Variants in GOLM1 observed in about 807,000 individuals in gnomAD.
GOLM1 encodes golgi membrane protein 1, also known as epididymis luminal protein 46.
In GOLM1, 31 loss-of-function variants were observed where a neutral mutation model predicts 50.5. That is an observed-to-expected ratio of 0.61 (90% confidence interval 0.46 to 0.83). GOLM1 has a LOEUF of 0.83. Ranked by LOEUF, GOLM1 falls within the 40% of genes least tolerant of loss-of-function variation. The pLI is 0.00. For synonymous variants in GOLM1, 178 were observed against 192.8 expected (o/e 0.92, Z 0.64); for missense variants, 491 against 501.3 (o/e 0.98, Z 0.20).
chr9:86,063,182 G>A (rs1050721204), intron 3 of GOLM1, among the ~76,000 whole-genome samples: 4 of 152,216 alleles, frequency 2.6e-5, no homozygotes, highest in Admixed American at 2.0e-4. Context: ...GTTTTTAGAG[G>A]AAGAAGAATG....
At chr9:86,057,580 C>T (rs1834029739) in intron 3 of GOLM1, among the ~76,000 whole-genome samples, 1 of 152,206 alleles carries the variant, frequency 6.6e-6, no homozygotes, top group Non-Finnish European at 1.5e-5. Context: ...CACATGCTGC[C>T]TTCGGTTCCT....
intron 1 of GOLM1, among the ~76,000 whole-genome samples, chr9:86,092,584 T>C (rs751155273): frequency 2.6e-5 from 4 of 152,182 alleles, no homozygotes; most frequent in Non-Finnish European, 5.9e-5. Flanking sequence ...TGAGCAGCTG[T>C]CTAGACAGCA....
chr9:86,027,600 T>C lies in GOLM1; in HGVS notation c.*217A>G. ...ACGAAATACCTACTACCAAAAATTG[T>C]GACACCTTATTAGACACTTCCAAAG... On this transcript the variant is annotated 3_prime_UTR_variant, in exon 10 of 10. Coordinates refer to ENST00000388712, the MANE Select transcript of GOLM1 (RefSeq NM_016548.4). 5 of 1,316,646 alleles carry C rather than the reference T, an allele frequency of 3.8e-6. No individual in the cohort carries two copies. The highest frequency in any genetic ancestry group is 4.8e-6 in the Non-Finnish European group (5 of 1,036,514). The allele number at this position is 1,316,646 out of a possible 1,614,324, so 81.6% of individuals were successfully genotyped here.
At chr9:86,053,191 CACT>C (rs1833830231) in intron 3 of GOLM1, among the ~76,000 whole-genome samples, 1 of 98,672 alleles carries the variant, frequency 1.0e-5, no homozygotes, top group African/African-American at 3.8e-5. Flanking sequence ...CCACACCCAC[CACT>C]CCACACCAAA....
chr9:86,053,556 T>TCCACACCAAACC (rs1833860094), intron 3 of GOLM1, among the ~76,000 whole-genome samples: 1 of 376 alleles, frequency 2.7e-3, no homozygotes, highest in African/African-American at 6.3e-3. Context: ...AAACACACAC[T>TCCACACCAAACC]ACACACACAC....
intron 9 of GOLM1, among the ~76,000 whole-genome samples, chr9:86,031,643 G>C (rs1201682964): frequency 6.6e-6 from 1 of 151,390 alleles, no homozygotes; most frequent in East Asian, 2.0e-4. Context: ...CTTGTATTTA[G>C]TAGAGACGGG....
intron 6 of GOLM1, among the ~76,000 whole-genome samples, chr9:86,039,306 G>A (rs115111140): frequency 1.6e-3 from 243 of 152,316 alleles, no homozygotes; most frequent in African/African-American, 5.4e-3. Context: ...AGTATCAAGA[G>A]TTGGCAAGGA....
At chr9:86,044,969 T>C (rs1265877994) in intron 5 of GOLM1, among the ~76,000 whole-genome samples, 1 of 151,640 alleles carries the variant, frequency 6.6e-6, no homozygotes, top group Admixed American at 6.6e-5. Context: ...AAAAAGAGGC[T>C]ATAGCTAATG....
intron 8 of GOLM1, chr9:86,035,149 T>C (rs1833094106): frequency 4.1e-6 from 4 of 985,314 alleles, no homozygotes; most frequent in South Asian, 4.7e-5. Flanking sequence ...CCTGCCAATA[T>C]TGCATCTAAA....
At chr9:86,042,670 A>C (rs1347999685) in intron 5 of GOLM1, among the ~76,000 whole-genome samples, 4 of 152,244 alleles carry the variant, frequency 2.6e-5, no homozygotes, top group Non-Finnish European at 4.4e-5. Flanking sequence ...AGCTGTCTGT[A>C]TACTGTAGAA....
intron 6 of GOLM1, among the ~76,000 whole-genome samples, chr9:86,038,909 T>C (rs1475003707): frequency 6.6e-6 from 1 of 151,900 alleles, no homozygotes; most frequent in Non-Finnish European, 1.5e-5. Flanking sequence ...CTAGATATAA[T>C]ACCAAGAACA....
chr9:86,092,733 C>T (rs1316412816), intron 1 of GOLM1, among the ~76,000 whole-genome samples: 1 of 152,164 alleles, frequency 6.6e-6, no homozygotes, highest in Non-Finnish European at 1.5e-5. Flanking sequence ...GAAACCCTTG[C>T]TGCTGAAGGA....
At chr9:86,068,976 G>GT (rs34980216) in intron 3 of GOLM1, among the ~76,000 whole-genome samples, 48,964 of 148,606 alleles carry the variant, frequency 0.33, 9,313 homozygotes, top group East Asian at 0.58. Flanking sequence ...CAATGTCTGG[G>GT]TTTTTTTTTT....
intron 2 of GOLM1, among the ~76,000 whole-genome samples, chr9:86,078,263 G>T (rs1442069462): frequency 6.6e-6 from 1 of 152,218 alleles, no homozygotes; most frequent in Non-Finnish European, 1.5e-5. Context: ...CTGTGAAAGA[G>T]AAATTATTCT....
chr9:86,039,267 C>A (rs1410453143), intron 6 of GOLM1, among the ~76,000 whole-genome samples: 1 of 152,122 alleles, frequency 6.6e-6, no homozygotes, highest in East Asian at 1.9e-4. Context: ...CCACTCCACA[C>A]CTGCTAGGAA....
chr9:86,088,420 G>GTGTGCATATATATATATATATA (rs1157260470), intron 1 of GOLM1, among the ~76,000 whole-genome samples: 1 of 86,300 alleles, frequency 1.2e-5, no homozygotes, highest in African/African-American at 5.7e-5. Context: ...TTTGAAGGGT[G>GTGTGCATATATATATATATATA]TATATATATA....
At chr9:86,057,416 G>T (rs964842551) in intron 3 of GOLM1, among the ~76,000 whole-genome samples, 1 of 151,878 alleles carries the variant, frequency 6.6e-6, no homozygotes, top group Non-Finnish European at 1.5e-5. Flanking sequence ...AGTAGAAGGT[G>T]ACTTTTTTTT....
chr9:86,045,309 C>T (rs1833502180), intron 5 of GOLM1, among the ~76,000 whole-genome samples: 1 of 151,566 alleles, frequency 6.6e-6, no homozygotes, highest in Non-Finnish European at 1.5e-5. Context: ...TGAGATTGCA[C>T]CGCTGCACTC....
chr9:86,036,334 T>C lies in GOLM1; in HGVS notation c.757+14A>G. ...GGAGAGCTGGGAACAGGGCAACTGC[T>C]GGGCTCTGCTTACCTTTCTCAACTT... On this transcript the variant is annotated intron_variant, in intron 7 of 9. Coordinates refer to ENST00000388712, the MANE Select transcript of GOLM1 (RefSeq NM_016548.4). 6.2e-7 allele frequency: 1 copy of C among 1,614,108 alleles called. No individual in the cohort carries two copies. The highest frequency in any genetic ancestry group is 1.1e-5 in the South Asian group (1 of 91,076).
Sources: allele counts gnomAD v4.1 joint callset (sites outside exome capture counted in the v4.1 genomes callset), GRCh38; gene constraint gnomAD v4.1.1; transcripts MANE v1.5; gene names NCBI Gene and HGNC (gene_info 2026-07-23, HGNC 2026-07-21).